Variants in COP1 observed in about 807,000 individuals in gnomAD.
The protein encoded by COP1 is E3 ubiquitin-protein ligase COP1.
Under a neutral mutation model 101.3 loss-of-function variants are expected in COP1, and 24 were observed. That is an observed-to-expected ratio of 0.24 (90% CI 0.17 to 0.33). The LOEUF is 0.33. COP1 is among the 10% of genes least tolerant of loss of function. The pLI is 1.00. For missense variants in COP1, 663 were observed against 906.2 expected (o/e 0.73, Z 3.45); for synonymous variants, 347 against 341.9 (o/e 1.01, Z -0.17).
chr1:175,960,118 G>T (rs535390721), intron 18 of COP1, among the ~76,000 whole-genome samples: 2 of 152,260 alleles, frequency 1.3e-5, no homozygotes, highest in African/African-American at 2.4e-5. Flanking sequence ...TCATGGAAAT[G>T]CCAGTAACTG....
intron 18 of COP1, among the ~76,000 whole-genome samples, chr1:175,967,358 C>T (rs1256457575): frequency 6.6e-6 from 1 of 152,100 alleles, no homozygotes; most frequent in African/African-American, 2.4e-5. Context: ...GCATGGTGGT[C>T]CCCTGTAATT....
chr1:176,203,592 C>A (rs1344028758), intron 1 of COP1, among the ~76,000 whole-genome samples: 5 of 152,106 alleles, frequency 3.3e-5, no homozygotes, highest in Admixed American at 6.5e-5. Flanking sequence ...TTGCAAAAAA[C>A]AAAATAACAA....
At chr1:176,161,624 T>C (rs1053469632) in intron 5 of COP1, among the ~76,000 whole-genome samples, 1 of 151,996 alleles carries the variant, frequency 6.6e-6, no homozygotes, top group Non-Finnish European at 1.5e-5. Flanking sequence ...GAAAGTCTTT[T>C]ATATTACTTA....
intron 14 of COP1, 98 bp downstream of exon 14, chr1:176,043,088 A>G: frequency 1.3e-6 from 1 of 752,418 alleles, no homozygotes; most frequent in Non-Finnish European, 2.3e-6. Flanking sequence ...AAGGACTGAC[A>G]TGAGTTTGAG....
chr1:176,044,515 T>G (rs1204843238), intron 12 of COP1, among the ~76,000 whole-genome samples: 1 of 152,206 alleles, frequency 6.6e-6, no homozygotes, highest in Non-Finnish European at 1.5e-5. Context: ...CACAAGGTCT[T>G]TTGCTTTCTA....
At chr1:176,059,741 A>C (rs1201533104) in intron 11 of COP1, among the ~76,000 whole-genome samples, 3 of 152,152 alleles carry the variant, frequency 2.0e-5, no homozygotes, top group Non-Finnish European at 2.9e-5. Flanking sequence ...TCAGCCTCCC[A>C]AAGTGCTAGG....
intron 11 of COP1, among the ~76,000 whole-genome samples, chr1:176,078,012 G>GA (rs1337963950): frequency 1.3e-5 from 2 of 152,078 alleles, no homozygotes; most frequent in Non-Finnish European, 2.9e-5. Context: ...CAAATAAATG[G>GA]AAAATCCTTC....
chr1:176,158,339 C>T (rs1193379710), intron 5 of COP1, among the ~76,000 whole-genome samples: 2 of 152,116 alleles, frequency 1.3e-5, no homozygotes, highest in African/African-American at 2.4e-5. Flanking sequence ...TTTTGTCAGA[C>T]ATATAAAAGA....
At chr1:176,006,085 C>G (rs531248323) in intron 15 of COP1, among the ~76,000 whole-genome samples, 1 of 152,106 alleles carries the variant, frequency 6.6e-6, no homozygotes, top group East Asian at 1.9e-4. Context: ...CTGAATTGAT[C>G]CCTTTACCAT....
At chr1:176,042,087 G>A (rs1177694297) in intron 14 of COP1, among the ~76,000 whole-genome samples, 1 of 151,856 alleles carries the variant, frequency 6.6e-6, no homozygotes, top group Admixed American at 6.6e-5. Flanking sequence ...ACTCCAGTCT[G>A]GGCAGCAGAG....
chr1:176,121,470 T>G (rs1687106175), intron 8 of COP1, among the ~76,000 whole-genome samples: 1 of 151,830 alleles, frequency 6.6e-6, no homozygotes, highest in Admixed American at 6.6e-5. Context: ...TTTATTGAGT[T>G]CTTACTAAGT....
intron 15 of COP1, among the ~76,000 whole-genome samples, chr1:175,992,466 A>G (rs1172630417): frequency 1.3e-5 from 2 of 152,216 alleles, no homozygotes; most frequent in Admixed American, 6.5e-5. Context: ...GGGAAGCGCA[A>G]GGGGTCAGGG....
chr1:176,105,209 A>G (rs191068085), intron 9 of COP1, among the ~76,000 whole-genome samples: 53 of 152,278 alleles, frequency 3.5e-4, no homozygotes, highest in African/African-American at 1.3e-3. Flanking sequence ...GTTATTGATT[A>G]TAACTTTTTA....
intron 11 of COP1, among the ~76,000 whole-genome samples, chr1:176,077,058 G>T (rs1445702901): frequency 6.6e-6 from 1 of 152,138 alleles, no homozygotes. Flanking sequence ...GAGGTACAAA[G>T]AATTGATACC....
In COP1 at chr1:175,945,356, T is replaced by C. The variant is rs1391462266; in HGVS notation, c.2179-186A>G. ...TTTGACCTGCAGCTTAACAGCTGCA[T>C]GAACTCTTTCAGATGAGCTATCTCC... On this transcript the variant is annotated intron_variant, in intron 19 of 19. Transcript: ENST00000367669. Among the ~76,000 whole-genome samples the C allele has an allele frequency of 2.6e-5, 4 of 152,274 alleles. No homozygotes were observed. In the East Asian group the frequency reaches 7.7e-4, roughly 29 times the overall value.
chr1:176,110,272 A>T (rs1166025553), intron 9 of COP1, among the ~76,000 whole-genome samples: 1 of 152,224 alleles, frequency 6.6e-6, no homozygotes, highest in Non-Finnish European at 1.5e-5. Flanking sequence ...CACTCAAAAA[A>T]TCTAAACTCC....
At chr1:176,118,549 G>C (rs1380161539) in intron 8 of COP1, among the ~76,000 whole-genome samples, 4 of 152,148 alleles carry the variant, frequency 2.6e-5, no homozygotes, top group Non-Finnish European at 5.9e-5. Context: ...GGTCACTGGA[G>C]CCTAGGAGTT....
chr1:176,167,804 T>C (rs1423382132), intron 3 of COP1, among the ~76,000 whole-genome samples: 2 of 152,166 alleles, frequency 1.3e-5, no homozygotes, highest in Non-Finnish European at 2.9e-5. Context: ...TGACACAAGT[T>C]ACTCAACCTG....
chr1:176,053,412 G>A (rs1672911743), intron 11 of COP1, among the ~76,000 whole-genome samples: 1 of 151,910 alleles, frequency 6.6e-6, no homozygotes, highest in East Asian at 1.9e-4. Flanking sequence ...ACCAACCCAC[G>A]AGTTCTTGGA....
Sources: gnomAD v4.1 joint callset for allele counts (sites outside exome capture counted in the v4.1 genomes callset) on GRCh38, gnomAD v4.1.1 for gene constraint, MANE v1.5 for transcripts, NCBI Gene and HGNC (gene_info 2026-07-23, HGNC 2026-07-21) for gene names.